SNTG1: variants seen among roughly 807,000 people sequenced by gnomAD.
SNTG1 encodes gamma-1-syntrophin.
In SNTG1, 39 loss-of-function variants were observed where a neutral mutation model predicts 74.7. That is an observed-to-expected ratio of 0.52 (90% CI 0.40 to 0.68). SNTG1 has a LOEUF of 0.68. Among genes scored for constraint, SNTG1 ranks in the 30% least tolerant of loss-of-function variants. The probability of loss-of-function intolerance (pLI) is 0.00; values close to 1 mark genes in which losing one functional copy is unlikely to be tolerated. For missense variants in SNTG1, 685 were observed against 609.5 expected (o/e 1.12, Z -1.30); for synonymous variants, 254 against 217.1 (o/e 1.17, Z -1.49).
intron 8 of SNTG1, among the ~76,000 whole-genome samples, chr8:50,493,026 C>A (rs1395906288): frequency 1.3e-5 from 2 of 152,156 alleles, no homozygotes. Context: ...CTACAGGCAT[C>A]TGATCTTTGA....
chr8:50,391,226 T>A (rs12546829), intron 2 of SNTG1, among the ~76,000 whole-genome samples: 104,623 of 152,080 alleles, frequency 0.69, 36,224 homozygotes, highest in East Asian at 0.84. Flanking sequence ...ATAACTCTTA[T>A]TATTTTGAGA....
chr8:49,936,072 A>G (rs1255061649), intron 1 of SNTG1, among the ~76,000 whole-genome samples: 1 of 152,154 alleles, frequency 6.6e-6, no homozygotes, highest in Non-Finnish European at 1.5e-5. Flanking sequence ...AAAAAATCCT[A>G]ATTGGAATGG....
At chr8:50,305,630 A>C (rs2089859672) in intron 2 of SNTG1, among the ~76,000 whole-genome samples, 1 of 150,536 alleles carries the variant, frequency 6.6e-6, no homozygotes, top group African/African-American at 2.4e-5. Flanking sequence ...CCAATGTGGA[A>C]TTTCACTATA....
intron 1 of SNTG1, among the ~76,000 whole-genome samples, chr8:49,985,210 C>T (rs188767759): frequency 5.3e-4 from 80 of 152,090 alleles, no homozygotes; most frequent in Non-Finnish European, 8.4e-4. Flanking sequence ...CTCACTCTGT[C>T]GCCCAGGCTG....
At chr8:50,011,729 C>G (rs560732408) in intron 1 of SNTG1, 7 of 152,086 alleles carry the variant, frequency 4.6e-5, no homozygotes, top group Admixed American at 1.3e-4. Context: ...GTTTTAATGT[C>G]AATGGGGAGG....
intron 1 of SNTG1, among the ~76,000 whole-genome samples, chr8:49,938,868 G>A (rs981807437): frequency 5.9e-5 from 9 of 151,516 alleles, no homozygotes; most frequent in African/African-American, 1.5e-4. Flanking sequence ...CATTATGTTT[G>A]TTGGAAATCT....
At chr8:50,681,682 A>T (rs2095331547) in intron 15 of SNTG1, among the ~76,000 whole-genome samples, 1 of 152,216 alleles carries the variant, frequency 6.6e-6, no homozygotes, top group African/African-American at 2.4e-5. Context: ...TGAGCCAGCA[A>T]TGCTAAGAAT....
At chr8:50,377,683 A>G (rs1249060318) in intron 2 of SNTG1, among the ~76,000 whole-genome samples, 1 of 152,244 alleles carries the variant, frequency 6.6e-6, no homozygotes, top group Non-Finnish European at 1.5e-5. Flanking sequence ...TTTATCATAT[A>G]AAGCAAAATC....
chr8:50,189,205 G>C (rs1479858115), intron 2 of SNTG1, among the ~76,000 whole-genome samples: 1 of 152,112 alleles, frequency 6.6e-6, no homozygotes, highest in Non-Finnish European at 1.5e-5. Context: ...GCCATCAGAG[G>C]TATTATGAAT....
At chr8:50,270,049 T>C (rs1014477582) in intron 2 of SNTG1, among the ~76,000 whole-genome samples, 4 of 152,172 alleles carry the variant, frequency 2.6e-5, no homozygotes, top group African/African-American at 9.7e-5. Context: ...TTTCCAAGTA[T>C]AAGTTAGTAA....
chr8:50,303,262 T>C (rs757578064), intron 2 of SNTG1, among the ~76,000 whole-genome samples: 1 of 152,122 alleles, frequency 6.6e-6, no homozygotes, highest in Non-Finnish European at 1.5e-5. Flanking sequence ...TAAAAGTGAC[T>C]GACTTTTAAT....
At chr8:50,266,470 A>G (rs899387433) in intron 2 of SNTG1, among the ~76,000 whole-genome samples, 4 of 152,040 alleles carry the variant, frequency 2.6e-5, no homozygotes, top group East Asian at 1.9e-4. Context: ...AAGACCTAAT[A>G]CTATAAAAAT....
intron 4 of SNTG1, among the ~76,000 whole-genome samples, chr8:50,425,598 T>C (rs1346178451): frequency 6.6e-6 from 1 of 152,160 alleles, no homozygotes; most frequent in African/African-American, 2.4e-5. Context: ...ATAAATGTAA[T>C]GAGCTTGAAT....
chr8:50,457,423 C>CT (rs1481191974), intron 8 of SNTG1, among the ~76,000 whole-genome samples: 1 of 152,154 alleles, frequency 6.6e-6, no homozygotes, highest in African/African-American at 2.4e-5. Context: ...TCCGAATTCT[C>CT]TATCAAAAGA....
At chr8:50,118,326 A>G (rs559907153) in intron 1 of SNTG1, among the ~76,000 whole-genome samples, 1 of 152,276 alleles carries the variant, frequency 6.6e-6, no homozygotes, top group South Asian at 2.1e-4. Flanking sequence ...AATTACATGT[A>G]CCATGATTTT....
chr8:50,481,139 T>C (rs532535023), intron 8 of SNTG1, among the ~76,000 whole-genome samples: 6 of 152,234 alleles, frequency 3.9e-5, no homozygotes, highest in Non-Finnish European at 8.8e-5. Context: ...TCCCAGCACT[T>C]TGGGAAGCCG....
At chr8:50,156,667 GCTAAAA>G (rs2082265224) in intron 1 of SNTG1, among the ~76,000 whole-genome samples, 1 of 151,916 alleles carries the variant, frequency 6.6e-6, no homozygotes, top group Admixed American at 6.6e-5. Context: ...AAAAATCATT[GCTAAAA>G]AGACAAATCA....
intron 2 of SNTG1, among the ~76,000 whole-genome samples, chr8:50,246,122 T>C (rs541950434): frequency 1.3e-5 from 2 of 149,824 alleles, no homozygotes; most frequent in East Asian, 3.9e-4. Flanking sequence ...TGATACTAGA[T>C]GCATAAAATG....
Position 50,440,856 on chromosome 8 carries a change from C to T in SNTG1, c.219+2257C>T, listed in dbSNP as rs575547901. Among the ~76,000 whole-genome samples the T allele has an allele frequency of 4.6e-5, 7 of 152,232 alleles. 1 individual carries two copies. The highest frequency in any genetic ancestry group is 1.4e-4 in the African/African-American group (6 of 41,528). On this transcript the variant is annotated intron_variant, in intron 5 of 18. Coordinates refer to ENST00000642720, the MANE Select transcript of SNTG1 (RefSeq NM_018967.5). ...AGGTGCTTGTGAATTCCGCTGGACT[C>T]AGAACACATGGTATTTTAGTTTTAT...
Sources: allele counts gnomAD v4.1 joint callset (sites outside exome capture counted in the v4.1 genomes callset), GRCh38; gene constraint gnomAD v4.1.1; transcripts MANE v1.5; gene names NCBI Gene and HGNC (gene_info 2026-07-23, HGNC 2026-07-21).